NCAM2: variants seen among roughly 807,000 people sequenced by gnomAD.
NCAM2 encodes N-CAM-2.
Under a neutral mutation model 98.1 loss-of-function variants are expected in NCAM2, and 30 were observed. The ratio of observed to expected loss-of-function variants is 0.31; its 90% CI spans 0.23 to 0.41. The LOEUF is 0.41. Ranked by LOEUF, NCAM2 falls within the 10% of genes least tolerant of loss-of-function variation. The pLI, the probability that NCAM2 is intolerant of heterozygous loss-of-function variation, is 1.00. For synonymous variants in NCAM2, 368 were observed against 342.4 expected (o/e 1.07, Z -0.83); for missense variants, 867 against 1,005.8 (o/e 0.86, Z 1.87).
At chr21:21,190,914 C>A (rs904848763) in intron 1 of NCAM2, among the ~76,000 whole-genome samples, 9 of 152,044 alleles carry the variant, frequency 5.9e-5, no homozygotes, top group Non-Finnish European at 1.2e-4. Flanking sequence ...ATTATTGTTG[C>A]TAATATTGTT....
At chr21:21,024,422 A>G (rs1185541193) in intron 1 of NCAM2, among the ~76,000 whole-genome samples, 1 of 152,240 alleles carries the variant, frequency 6.6e-6, no homozygotes, top group Non-Finnish European at 1.5e-5. Flanking sequence ...GTATTTATTT[A>G]TAAAACATGC....
chr21:21,481,351 C>T (rs1053333714), intron 15 of NCAM2, among the ~76,000 whole-genome samples: 1 of 152,146 alleles, frequency 6.6e-6, no homozygotes. Context: ...AGCGTAGTAT[C>T]TTGGAAGTTA....
At chr21:21,117,860 C>A (rs1179655703) in intron 1 of NCAM2, among the ~76,000 whole-genome samples, 5 of 152,134 alleles carry the variant, frequency 3.3e-5, no homozygotes, top group African/African-American at 1.2e-4. Flanking sequence ...CCAATTTAAA[C>A]AAGGATATGG....
chr21:21,152,099 C>T (rs906627683), intron 1 of NCAM2, among the ~76,000 whole-genome samples: 1 of 151,926 alleles, frequency 6.6e-6, no homozygotes, highest in African/African-American at 2.4e-5. Flanking sequence ...GACTGGCTGA[C>T]GTTTTATCAC....
chr21:21,512,638 T>C (rs1160417523), intron 16 of NCAM2, among the ~76,000 whole-genome samples: 1 of 152,048 alleles, frequency 6.6e-6, no homozygotes, highest in Non-Finnish European at 1.5e-5. Context: ...GTCATTGGCA[T>C]TTTGATAAGA....
chr21:21,298,491 A>C (rs912077449), intron 5 of NCAM2, among the ~76,000 whole-genome samples: 3 of 151,694 alleles, frequency 2.0e-5, no homozygotes, highest in Admixed American at 6.6e-5. Context: ...CAATCTGGGA[A>C]CACAAGAAAA....
chr21:21,452,168 C>CCACACA (rs10591491), intron 12 of NCAM2, among the ~76,000 whole-genome samples: 4 of 144,872 alleles, frequency 2.8e-5, no homozygotes, highest in East Asian at 2.0e-4. Flanking sequence ...TGTGAACTGA[C>CCACACA]CACACACACA....
intron 8 of NCAM2, among the ~76,000 whole-genome samples, chr21:21,343,127 C>G (rs2075090766): frequency 6.6e-6 from 1 of 152,096 alleles, no homozygotes; most frequent in South Asian, 2.1e-4. Flanking sequence ...TTATTTTAAA[C>G]TAATTAAAAT....
intron 1 of NCAM2, among the ~76,000 whole-genome samples, chr21:21,035,926 A>G (rs1437476679): frequency 6.6e-6 from 1 of 152,202 alleles, no homozygotes; most frequent in African/African-American, 2.4e-5. Context: ...TTAACATATC[A>G]GATTTGGAGC....
At chr21:21,430,588 G>A (rs1395191051) in intron 11 of NCAM2, among the ~76,000 whole-genome samples, 1 of 151,846 alleles carries the variant, frequency 6.6e-6, no homozygotes, top group African/African-American at 2.4e-5. Flanking sequence ...GCCAGCAGGG[G>A]AAATGCCAGA....
chr21:21,158,141 TAAAC>T (rs2067671396), intron 1 of NCAM2, among the ~76,000 whole-genome samples: 1 of 152,160 alleles, frequency 6.6e-6, no homozygotes, highest in Non-Finnish European at 1.5e-5. Flanking sequence ...TCTTAAGAAT[TAAAC>T]AAAATAATTT....
intron 8 of NCAM2, among the ~76,000 whole-genome samples, chr21:21,348,885 G>A (rs763723613): frequency 3.3e-5 from 5 of 152,104 alleles, no homozygotes; most frequent in Non-Finnish European, 4.4e-5. Flanking sequence ...ATATCCATAT[G>A]CAGAAGAACA....
chr21:21,080,808 T>A (rs2065782422), intron 1 of NCAM2, among the ~76,000 whole-genome samples: 1 of 152,134 alleles, frequency 6.6e-6, no homozygotes, highest in African/African-American at 2.4e-5. Context: ...AGATTCATAC[T>A]GTCTTCAGCA....
chr21:21,267,520 GT>G (rs2072329434), intron 1 of NCAM2, among the ~76,000 whole-genome samples: 1 of 151,966 alleles, frequency 6.6e-6, no homozygotes, highest in South Asian at 2.1e-4. Context: ...AACTAATTTT[GT>G]TTAAATAAAT....
intron 1 of NCAM2, among the ~76,000 whole-genome samples, chr21:21,015,894 A>T (rs905544219): frequency 4.6e-5 from 7 of 151,906 alleles, no homozygotes; most frequent in African/African-American, 1.7e-4. Flanking sequence ...TTTTTAGTAG[A>T]GACAGGGTTT....
chr21:21,334,196 G>T (rs972812117), intron 6 of NCAM2, among the ~76,000 whole-genome samples: 1 of 151,934 alleles, frequency 6.6e-6, no homozygotes, highest in African/African-American at 2.4e-5. Flanking sequence ...GCCTCCCAAG[G>T]TGCTGGGATT....
At chr21:21,263,343 G>A (rs910006676) in intron 1 of NCAM2, among the ~76,000 whole-genome samples, 1 of 151,912 alleles carries the variant, frequency 6.6e-6, no homozygotes, top group Non-Finnish European at 1.5e-5. Flanking sequence ...ACTAGAAAAC[G>A]CTGATCAAAG....
intron 15 of NCAM2, among the ~76,000 whole-genome samples, chr21:21,500,808 G>C (rs1490927145): frequency 6.6e-6 from 1 of 152,058 alleles, no homozygotes; most frequent in African/African-American, 2.4e-5. Flanking sequence ...AAGATAGGAA[G>C]TTTTGTTAAT....
rs781225305 is a variant in NCAM2, at chr21:21,537,924, C to A, written c.2481C>A (p.Ile827=). ...ETIEIKVSND[I]IQSKEDDSKA ...TAGAAATTAAAGTTTCTAACGACAT[C>A]ATTCAATCAAAAGAAGACGACAGCA... Residue 827 remains isoleucine, a synonymous_variant, in exon 18 of 18, where the codon ATC becomes ATA. Transcript: ENST00000400546. 1.3e-6 allele frequency: 2 copies of A among 1,574,844 alleles called. No homozygotes were observed. Among genetic ancestry groups the A allele is most frequent in the Middle Eastern group, 3.4e-4 (2 of 5,882 alleles).
Sources: allele counts gnomAD v4.1 joint callset (sites outside exome capture counted in the v4.1 genomes callset), GRCh38; gene constraint gnomAD v4.1.1; transcripts MANE v1.5; gene names NCBI Gene and HGNC (gene_info 2026-07-23, HGNC 2026-07-21).